Variants in TTC29 observed in about 807,000 individuals in gnomAD.
TTC29 encodes the protein tetratricopeptide repeat domain 29, also known as tetratricopeptide repeat protein 29.
TTC29 carries 49 observed loss-of-function variants against 58.1 expected under a neutral mutation model. That is an observed-to-expected ratio of 0.84 (90% CI 0.67 to 1.07). The LOEUF is 1.07. Among genes scored for constraint, TTC29 ranks in the 50% least tolerant of loss-of-function variants. The pLI, the probability that TTC29 is intolerant of heterozygous loss-of-function variation, is 0.00. For missense variants in TTC29, 582 were observed against 555.6 expected (o/e 1.05, Z -0.48); for synonymous variants, 209 against 196.8 (o/e 1.06, Z -0.52).
At chr4:146,784,948 GT>G (rs1256997798) in intron 11 of TTC29, among the ~76,000 whole-genome samples, 3 of 151,914 alleles carry the variant, frequency 2.0e-5, no homozygotes, top group African/African-American at 7.3e-5. Flanking sequence ...TCTTTTCTTG[GT>G]GGCTGGAGAT....
chr4:146,781,378 C>G (rs899114335), intron 11 of TTC29, among the ~76,000 whole-genome samples: 6 of 151,880 alleles, frequency 4.0e-5, no homozygotes, highest in African/African-American at 1.4e-4. Flanking sequence ...GACTCGAGCT[C>G]TCAATGGAAG....
chr4:146,714,978 G>A (rs555910704), intron 11 of TTC29, among the ~76,000 whole-genome samples: 4 of 151,914 alleles, frequency 2.6e-5, no homozygotes, highest in African/African-American at 9.7e-5. Flanking sequence ...GACTACAGGC[G>A]TATGCCACCA....
chr4:146,876,878 G>A (rs1731294561), intron 6 of TTC29, among the ~76,000 whole-genome samples: 1 of 148,816 alleles, frequency 6.7e-6, no homozygotes, highest in Non-Finnish European at 1.5e-5. Flanking sequence ...GGAGATTGTG[G>A]TGAGCCGAGA....
At chr4:146,791,294 A>G (rs2150102837) in intron 11 of TTC29, among the ~76,000 whole-genome samples, 1 of 152,176 alleles carries the variant, frequency 6.6e-6, no homozygotes, top group East Asian at 1.9e-4. Context: ...TTTTTCCAAT[A>G]GCATGTACTC....
intron 4 of TTC29, among the ~76,000 whole-genome samples, chr4:146,927,896 C>T (rs1251747480): frequency 6.6e-6 from 1 of 152,122 alleles, no homozygotes; most frequent in African/African-American, 2.4e-5. Flanking sequence ...GAGCTAAGCA[C>T]TGTATGAATA....
chr4:146,819,249 T>G (rs1223767826), intron 10 of TTC29, among the ~76,000 whole-genome samples: 1 of 152,140 alleles, frequency 6.6e-6, no homozygotes, highest in African/African-American at 2.4e-5. Flanking sequence ...ACCTAGAAAT[T>G]TAAGTAACTG....
intron 9 of TTC29, among the ~76,000 whole-genome samples, chr4:146,822,994 T>G (rs1367996876): frequency 6.6e-6 from 1 of 152,244 alleles, no homozygotes; most frequent in African/African-American, 2.4e-5. Flanking sequence ...TTGAAAATTC[T>G]GGATATTAGA....
chr4:146,769,666 A>T (rs1401491340), intron 11 of TTC29, among the ~76,000 whole-genome samples: 1 of 152,058 alleles, frequency 6.6e-6, no homozygotes, highest in African/African-American at 2.4e-5. Context: ...TATATTCTCC[A>T]TCCAATAATC....
At chr4:146,889,986 A>G (rs1243605893) in intron 6 of TTC29, among the ~76,000 whole-genome samples, 1 of 152,170 alleles carries the variant, frequency 6.6e-6, no homozygotes, top group Non-Finnish European at 1.5e-5. Flanking sequence ...TTTCTCATAT[A>G]TATTGAGTCA....
intron 11 of TTC29, among the ~76,000 whole-genome samples, chr4:146,796,512 C>A (rs542952551): frequency 2.0e-5 from 3 of 152,054 alleles, no homozygotes; most frequent in Admixed American, 2.0e-4. Flanking sequence ...TCTTCTAAAA[C>A]ACACATCATA....
At chr4:146,886,267 G>A (rs560211021) in intron 6 of TTC29, among the ~76,000 whole-genome samples, 30 of 151,908 alleles carry the variant, frequency 2.0e-4, no homozygotes, top group African/African-American at 4.6e-4. Flanking sequence ...TGTAGGTTAC[G>A]TCACCCACAT....
chr4:146,793,737 T>C (rs1189493429), intron 11 of TTC29, among the ~76,000 whole-genome samples: 1 of 152,148 alleles, frequency 6.6e-6, no homozygotes, highest in South Asian at 2.1e-4. Context: ...TACTTATCTT[T>C]TATAAATCAT....
chr4:146,789,760 A>C (rs1372168285), intron 11 of TTC29, among the ~76,000 whole-genome samples: 1 of 151,972 alleles, frequency 6.6e-6, no homozygotes, highest in African/African-American at 2.4e-5. Flanking sequence ...CTATGTCACA[A>C]GGTAAAATAT....
At chr4:146,836,220 C>G (rs566291711) in intron 8 of TTC29, among the ~76,000 whole-genome samples, 1 of 152,228 alleles carries the variant, frequency 6.6e-6, no homozygotes, top group East Asian at 1.9e-4. Context: ...GTGAACAGCT[C>G]CTGGTAGGAG....
intron 11 of TTC29, among the ~76,000 whole-genome samples, chr4:146,800,781 C>T (rs998864765): frequency 6.6e-6 from 1 of 152,154 alleles, no homozygotes; most frequent in Non-Finnish European, 1.5e-5. Flanking sequence ...TGCCAAACAT[C>T]GTGTCTTCTT....
At position 146,728,829 on chromosome 4, in the gene TTC29, A is replaced by ATATACACATATATATGTG. The variant is rs1489833183; in HGVS notation, c.1331-21279_1331-21278insCACATATATATGTGTATA. On this transcript the variant is annotated intron_variant, in intron 11 of 12. Transcript: ENST00000325106. ...CACATATATATGTGTATATATACATATATATACACATATATATGTATATAT... is the reference window on the plus strand; with the variant it reads ...CACATATATATGTGTATATATACATATATACACATATATATGTGTATATACACATATATATGTATATAT... Among the ~76,000 whole-genome samples, 3 of 114,458 alleles carry ATATACACATATATATGTG rather than the reference A, an allele frequency of 2.6e-5. 1 individual carries two copies. Among genetic ancestry groups the ATATACACATATATATGTG allele is most frequent in the Non-Finnish European group, 5.4e-5 (3 of 55,852 alleles). 75.1% of individuals were successfully genotyped at this position (114,458 alleles called of 152,430 possible). A position where few individuals can be genotyped will look rare whatever the true frequency, so the allele number is the denominator to read the frequency against.
At chr4:146,854,440 A>C (rs1729709621) in intron 8 of TTC29, among the ~76,000 whole-genome samples, 1 of 152,094 alleles carries the variant, frequency 6.6e-6, no homozygotes, top group Admixed American at 6.6e-5. Context: ...CACGTTATTT[A>C]TTTGAAAACT....
chr4:146,862,318 T>C (rs553263688), intron 8 of TTC29, among the ~76,000 whole-genome samples: 1 of 151,708 alleles, frequency 6.6e-6, no homozygotes, highest in African/African-American at 2.4e-5. Flanking sequence ...TCTCTCCTGC[T>C]ATAGATTTCT....
intron 6 of TTC29, 85 bp downstream of exon 6, chr4:146,903,459 T>C (rs1386614516): frequency 1.6e-6 from 2 of 1,264,232 alleles, no homozygotes; most frequent in Non-Finnish European, 2.1e-6. Flanking sequence ...CAGGTCTTTT[T>C]TCTCGACCAC....
Sources: gnomAD v4.1 joint callset for allele counts (sites outside exome capture counted in the v4.1 genomes callset) on GRCh38, gnomAD v4.1.1 for gene constraint, MANE v1.5 for transcripts, NCBI Gene and HGNC (gene_info 2026-07-23, HGNC 2026-07-21) for gene names.